LRRTM4: variants seen among roughly 807,000 people sequenced by gnomAD.
The protein encoded by LRRTM4 is leucine-rich repeat transmembrane neuronal protein 4.
In LRRTM4, 25 loss-of-function variants were observed where a neutral mutation model predicts 47.6. The ratio of observed to expected loss-of-function variants is 0.53; its 90% CI spans 0.38 to 0.73. LRRTM4 has a LOEUF of 0.73. LRRTM4 is among the 30% of genes least tolerant of loss of function. LRRTM4 has a pLI of 0.00. For synonymous variants in LRRTM4, 311 were observed against 269.5 expected (o/e 1.15, Z -1.51); for missense variants, 638 against 713.4 (o/e 0.89, Z 1.20).
intron 3 of LRRTM4, among the ~76,000 whole-genome samples, chr2:77,175,668 C>A (rs1050757907): frequency 2.0e-5 from 3 of 152,126 alleles, no homozygotes; most frequent in African/African-American, 7.2e-5. Context: ...ACCATGGGCC[C>A]CCAGAGTTCA....
intron 3 of LRRTM4, among the ~76,000 whole-genome samples, chr2:77,246,705 T>C (rs559131892): frequency 6.6e-6 from 1 of 152,122 alleles, no homozygotes; most frequent in Admixed American, 6.6e-5. Context: ...GGTGTAATGA[T>C]CAAATGTCAT....
chr2:76,804,551 C>T (rs1333626355), intron 3 of LRRTM4, among the ~76,000 whole-genome samples: 1 of 150,950 alleles, frequency 6.6e-6, no homozygotes, highest in African/African-American at 2.4e-5. Flanking sequence ...TTTTCATGCC[C>T]TGTTAAAATA....
rs1352384371 is a variant in LRRTM4 at position 77,518,005 on chromosome 2, GT to G, written c.1551+312del. ...AGACAGAAATTTCAGAATGAAAAGA[GT>G]TTTGTTTGTATGTGTGTTTTTAAGT... On this transcript the variant is annotated intron_variant, in intron 3 of 3. Transcript: ENST00000409884. 8.4e-6 allele frequency: 9 copies of G among 1,075,970 alleles called. No individual in the cohort carries two copies. In the East Asian group the frequency reaches 5.5e-4, roughly 66 times the overall value. The allele number at this position is 1,075,970 out of a possible 1,614,324, so 66.7% of individuals were successfully genotyped here.
At chr2:76,796,684 A>G (rs1380077271) in intron 3 of LRRTM4, among the ~76,000 whole-genome samples, 1 of 126,498 alleles carries the variant, frequency 7.9e-6, no homozygotes, top group Non-Finnish European at 1.6e-5. Context: ...AAAGACCAAA[A>G]GTAGATAAAA....
intron 3 of LRRTM4, among the ~76,000 whole-genome samples, chr2:76,952,108 T>C (rs765283882): frequency 6.6e-6 from 1 of 152,060 alleles, no homozygotes; most frequent in Non-Finnish European, 1.5e-5. Flanking sequence ...TGTGTCTTTG[T>C]AGTAGATATT....
chr2:76,807,905 CTTTCT>C (rs377577213), intron 3 of LRRTM4, among the ~76,000 whole-genome samples: 1 of 144,212 alleles, frequency 6.9e-6, no homozygotes, highest in African/African-American at 2.6e-5. Context: ...CTTTACTTTT[CTTTCT>C]TTTCTTTCCT....
intron 3 of LRRTM4, among the ~76,000 whole-genome samples, chr2:76,938,848 A>G (rs1008403967): frequency 5.9e-5 from 9 of 152,106 alleles, no homozygotes; most frequent in Non-Finnish European, 1.0e-4. Flanking sequence ...GTCTTATGTA[A>G]AAGTTTTTAT....
intron 3 of LRRTM4, among the ~76,000 whole-genome samples, chr2:77,332,384 A>G (rs966003182): frequency 6.6e-6 from 1 of 152,216 alleles, no homozygotes; most frequent in Non-Finnish European, 1.5e-5. Flanking sequence ...AGTCTCAATT[A>G]TTCATACACG....
intron 3 of LRRTM4, among the ~76,000 whole-genome samples, chr2:77,193,548 G>A (rs1239975274): frequency 2.0e-5 from 3 of 151,006 alleles, no homozygotes; most frequent in East Asian, 2.0e-4. Context: ...AGTGGCTCAC[G>A]CCTGTAATCC....
At chr2:77,275,470 T>C (rs770065916) in intron 3 of LRRTM4, among the ~76,000 whole-genome samples, 1 of 152,136 alleles carries the variant, frequency 6.6e-6, no homozygotes, top group African/African-American at 2.4e-5. Flanking sequence ...TAAAACATAA[T>C]TGATAATCAG....
chr2:77,090,848 G>A (rs150945746), intron 3 of LRRTM4, among the ~76,000 whole-genome samples: 6,698 of 152,188 alleles, frequency 0.044, 371 homozygotes, highest in African/African-American at 0.12. Flanking sequence ...GAAGACTGAC[G>A]CTGCCCGATT....
At chr2:77,360,522 G>A (rs374404693) in intron 3 of LRRTM4, among the ~76,000 whole-genome samples, 35 of 144,044 alleles carry the variant, frequency 2.4e-4, no homozygotes, top group African/African-American at 9.1e-4. Context: ...GATACGATAC[G>A]ATACGATACG....
chr2:76,994,877 A>G lies in LRRTM4; in HGVS notation c.1552-245961T>C, dbSNP rs989527270. Among the ~76,000 whole-genome samples the G allele has an allele frequency of 3.3e-5, 5 of 152,146 alleles. No individual in the cohort carries two copies. In the East Asian group the frequency reaches 7.7e-4, roughly 24 times the overall value. ...CACAAAGTTTTATTTAAAAAAAGCT[A>G]GGGAACTCTATTTTATGGCATTCTA... On this transcript the variant is annotated intron_variant, in intron 3 of 3. Coordinates refer to ENST00000409884, the MANE Select transcript of LRRTM4 (RefSeq NM_001134745.3).
At chr2:76,906,233 A>G (rs1022029827) in intron 3 of LRRTM4, among the ~76,000 whole-genome samples, 3 of 152,188 alleles carry the variant, frequency 2.0e-5, no homozygotes, top group African/African-American at 7.2e-5. Context: ...AGAATTTCAT[A>G]TCCAGCCAAA....
At chr2:77,300,894 C>T (rs1298971729) in intron 3 of LRRTM4, among the ~76,000 whole-genome samples, 5 of 151,998 alleles carry the variant, frequency 3.3e-5, no homozygotes, top group South Asian at 2.1e-4. Flanking sequence ...AGATGTAAGT[C>T]ATTAAGGTGT....
intron 3 of LRRTM4, among the ~76,000 whole-genome samples, chr2:77,043,765 C>G (rs1679117878): frequency 6.6e-6 from 1 of 151,744 alleles, no homozygotes; most frequent in Non-Finnish European, 1.5e-5. Context: ...TGCAAATATC[C>G]TTCATCTTAA....
chr2:77,458,437 G>A lies in LRRTM4; in HGVS notation c.1551+59881C>T, dbSNP rs551708027. Among the ~76,000 whole-genome samples, 205 of 152,092 alleles carry A rather than the reference G, an allele frequency of 1.3e-3. 1 individual carries two copies. Among genetic ancestry groups the A allele is most frequent in the Middle Eastern group, 6.8e-3 (2 of 294 alleles). ...CTCTCTTCATTTGGAGCCAGTTGTA[G>A]CACTGCCTTGTTTTATTTAAAAAGC... On this transcript the variant is annotated intron_variant, in intron 3 of 3. Coordinates refer to ENST00000409884, the MANE Select transcript of LRRTM4 (RefSeq NM_001134745.3).
intron 3 of LRRTM4, among the ~76,000 whole-genome samples, chr2:77,022,486 A>G (rs1364298033): frequency 6.6e-6 from 1 of 152,182 alleles, no homozygotes; most frequent in African/African-American, 2.4e-5. Flanking sequence ...GTTTCATCTG[A>G]GACAAGGCAA....
At chr2:76,919,148 C>G (rs1017003438) in intron 3 of LRRTM4, among the ~76,000 whole-genome samples, 5 of 152,094 alleles carry the variant, frequency 3.3e-5, no homozygotes, top group African/African-American at 1.2e-4. Flanking sequence ...GGGAAATTCA[C>G]CAGAGCCTTC....
Sources: gnomAD v4.1 joint callset for allele counts (sites outside exome capture counted in the v4.1 genomes callset) on GRCh38, gnomAD v4.1.1 for gene constraint, MANE v1.5 for transcripts, NCBI Gene and HGNC (gene_info 2026-07-23, HGNC 2026-07-21) for gene names.